The following OTOF variants were observed in gnomAD, a reference collection of about 807,000 sequenced individuals.
OTOF encodes the protein otoferlin.
Under a neutral mutation model 236.8 loss-of-function variants are expected in OTOF, and 218 were observed. The ratio of observed to expected loss-of-function variants is 0.92; its 90% CI spans 0.82 to 1.03. The LOEUF (loss-of-function observed/expected upper bound fraction) is 1.03, where lower values mean the gene tolerates loss of function less well. OTOF is among the 50% of genes least tolerant of loss of function. The pLI, the probability that OTOF is intolerant of heterozygous loss-of-function variation, is 0.00. For missense variants in OTOF, 2,590 were observed against 2,694.4 expected, an observed-to-expected ratio of 0.96 and a Z score of 0.86; for synonymous variants, 1,041 against 1,072.5, an observed-to-expected ratio of 0.97 and a Z score of 0.57.
chr2:26,462,628 G>A lies in OTOF; in HGVS notation c.5193-447C>T, dbSNP rs1377763364. ...ATCTGAGCATGGCTCTCCTGGGATT[G>A]CAGACAGGGCTGCGAGCCCAGAGTG... On this transcript the variant is annotated intron_variant, in intron 41 of 46. Transcript: ENST00000272371. This position sits in a 1 kb window ranked among gnomAD's most constrained non-coding sequence, Gnocchi z 4.7. 6.6e-6 allele frequency among the ~76,000 whole-genome samples: 1 copy of A among 152,234 alleles called. No individual in the cohort carries two copies. Among genetic ancestry groups the A allele is most frequent in the Non-Finnish European group, 1.5e-5 (1 of 68,036 alleles).
At chr2:26,499,918 G>C (rs1000039684) in intron 8 of OTOF, among the ~76,000 whole-genome samples, 2 of 152,224 alleles carry the variant, frequency 1.3e-5, no homozygotes, top group Non-Finnish European at 2.9e-5. Flanking sequence ...GAAACACTAT[G>C]CTACCAGGTT....
In OTOF at chr2:26,473,286, T is replaced by C; in HGVS notation, c.3579A>G (p.Pro1193=). Residue 1193 remains proline, a synonymous_variant, in exon 29 of 47, where the codon CCA becomes CCG. Transcript: ENST00000272371. The surrounding 1 kb of genome is among the most constrained non-coding windows in gnomAD (Gnocchi z 7.2). ...TLVKWFEVDL[P]ENELLHPPLN... ...AGGGCGGGTGCAGCAGCTCGTTCTC[T>C]GGGAGGTCCTGGGGTGTTGGCGACA... 6.2e-7 allele frequency: 1 copy of C among 1,613,120 alleles called. No homozygotes were observed. Among genetic ancestry groups the C allele is most frequent in the Non-Finnish European group, 8.5e-7 (1 of 1,179,766 alleles).
intron 2 of OTOF, 75 bp downstream of exon 2, chr2:26,537,641 C>G: frequency 3.4e-6 from 4 of 1,165,870 alleles, no homozygotes; most frequent in Non-Finnish European, 5.0e-6. Flanking sequence ...AGTGTGTGCC[C>G]GCAAGAGGCA....
rs1174108565 is a variant in OTOF at position 26,477,987 on chromosome 2, C to T, written c.2215-238G>A. ...CAGTTCCTGAAGGAAGAAGCCACCT[C>T]TGGGCTGTGAGTCTGTGGCTCTGGT... On this transcript the variant is annotated intron_variant, in intron 18 of 46. Coordinates refer to ENST00000272371, the MANE Select transcript of OTOF (RefSeq NM_194248.3). This position sits in a 1 kb window ranked among gnomAD's most constrained non-coding sequence, Gnocchi z 4.7. The T allele has an allele frequency of 6.9e-7, 1 of 1,459,108 alleles. No homozygotes were observed. Among genetic ancestry groups the T allele is most frequent in the Non-Finnish European group, 9.0e-7 (1 of 1,108,132 alleles). 90.4% of individuals were successfully genotyped at this position (1,459,108 alleles called of 1,614,324 possible).
At chr2:26,463,787 A>G (rs1156655515) in intron 40 of OTOF, among the ~76,000 whole-genome samples, 177 bp downstream of exon 40, 1 of 152,202 alleles carries the variant, frequency 6.6e-6, no homozygotes, top group African/African-American at 2.4e-5. Context: ...ATTCTCACTC[A>G]AAGCAAAGAC....
chr2:26,459,989 G>A lies in OTOF; in HGVS notation c.*17+19C>T, dbSNP rs1380168369. The A allele has an allele frequency of 2.6e-6, 4 of 1,553,346 alleles. No homozygotes were observed. The South Asian group carries it at 3.6e-5, about 14-fold the overall frequency. On this transcript the variant is annotated intron_variant, in intron 46 of 46. Transcript: ENST00000272371. The stretch of plus-strand genomic sequence containing the variant: ...CTGCCTAGCCCTTGGTCCAGAGGAA[G>A]AAGTAAGAAATATCAGACCCAGGAG...
Position 26,482,504 on chromosome 2 carries a change from C to A in OTOF, c.1481G>T (p.Arg494Leu), listed in dbSNP as rs148376891. ...FTDLFPPLCK[R>L]MKVQIRDSDK... is the part of the protein sequence containing the mutation. ...CGAGTCTCGGATCTGCACCTTCATGCGTTTGCAGAGTGGGGGGAAGAGGTC... is the reference window on the plus strand; with the variant it reads ...CGAGTCTCGGATCTGCACCTTCATGAGTTTGCAGAGTGGGGGGAAGAGGTC... The change falls in exon 14 of 47, where the codon CGC becomes CTC. Residue 494 changes from arginine (R) to leucine (L), a missense_variant. Arg to Leu is a moderately radical substitution (Grantham distance 102). This residue lies in a region of OTOF where 1,379 missense variants were observed against 1,341.6 expected (regional missense o/e 1.03). Coordinates refer to ENST00000272371, the MANE Select transcript of OTOF (RefSeq NM_194248.3). The A allele has an allele frequency of 6.2e-7, 1 of 1,613,304 alleles. No individual in the cohort carries two copies. Among genetic ancestry groups the A allele is most frequent in the Non-Finnish European group, 8.5e-7 (1 of 1,179,920 alleles).
At chr2:26,498,166 C>T (rs1032061179) in intron 8 of OTOF, among the ~76,000 whole-genome samples, 2 of 152,208 alleles carry the variant, frequency 1.3e-5, no homozygotes, top group South Asian at 2.1e-4. Flanking sequence ...CTTTTCAGGC[C>T]TCATACGTTT....
At chr2:26,466,237 C>A (rs1664720794) in intron 36 of OTOF, 161 bp from the exon 37 acceptor site, 2 of 793,154 alleles carry the variant, frequency 2.5e-6, no homozygotes, top group South Asian at 1.5e-5. Context: ...GTGGCTACCC[C>A]TCTCTGGGCG....
chr2:26,516,294 CAGA>C, intron 5 of OTOF, 121 bp downstream of exon 5: 1 of 891,642 alleles, frequency 1.1e-6, no homozygotes. Flanking sequence ...GATGTCTCTC[CAGA>C]AGCTCAGCCC....
chr2:26,463,862 C>T, intron 40 of OTOF, 102 bp downstream of exon 40: 1 of 1,487,706 alleles, frequency 6.7e-7, no homozygotes, highest in Non-Finnish European at 9.4e-7. Context: ...TTCTGGAATG[C>T]AGCGGACAGC....
At chr2:26,511,876 C>T (rs1401628951) in intron 5 of OTOF, among the ~76,000 whole-genome samples, 1 of 152,128 alleles carries the variant, frequency 6.6e-6, no homozygotes, top group Non-Finnish European at 1.5e-5. Context: ...CTGTGGAAAC[C>T]GATTTAAAAA....
intron 8 of OTOF, among the ~76,000 whole-genome samples, chr2:26,497,122 A>C (rs1429010301): frequency 1.4e-5 from 1 of 70,696 alleles, no homozygotes; most frequent in Non-Finnish European, 2.9e-5. Flanking sequence ...TTTTTTTTTG[A>C]GACAGAGTCT....
intron 18 of OTOF, among the ~76,000 whole-genome samples, chr2:26,478,502 G>C (rs1185842448): frequency 6.6e-6 from 1 of 152,106 alleles, no homozygotes; most frequent in Non-Finnish European, 1.5e-5. Context: ...TTATCTGCTG[G>C]TCCCTGCTTC....
intron 4 of OTOF, among the ~76,000 whole-genome samples, chr2:26,517,131 G>C (rs1307250217): frequency 1.3e-5 from 2 of 152,176 alleles, no homozygotes; most frequent in Non-Finnish European, 2.9e-5. Context: ...AGGGAATCTT[G>C]GGAGCTGCCC....
At chr2:26,499,336 C>T (rs1366488464) in intron 8 of OTOF, among the ~76,000 whole-genome samples, 1 of 152,064 alleles carries the variant, frequency 6.6e-6, no homozygotes, top group Non-Finnish European at 1.5e-5. Flanking sequence ...GTGCCATAAC[C>T]TTTAGAATGG....
intron 8 of OTOF, 69 bp from the exon 9 acceptor site, chr2:26,495,142 C>T: frequency 6.3e-7 from 1 of 1,583,802 alleles, no homozygotes; most frequent in Admixed American, 1.7e-5. Context: ...CCGCAGGGGT[C>T]CAGGGGCTGG....
At chr2:26,471,967 T>C (rs761676528) in intron 30 of OTOF, among the ~76,000 whole-genome samples, 2 of 151,572 alleles carry the variant, frequency 1.3e-5, no homozygotes, top group Non-Finnish European at 2.9e-5. Flanking sequence ...CATGCACATA[T>C]GCATTTACAC....
intron 37 of OTOF, 35 bp from the exon 38 acceptor site, chr2:26,465,877 T>C (rs768656750): frequency 2.0e-5 from 33 of 1,614,164 alleles, no homozygotes; most frequent in Middle Eastern, 3.3e-4. Context: ...GGCTTAAGGA[T>C]TGGCTAGGGT....
Sources: allele counts gnomAD v4.1 joint callset (sites outside exome capture counted in the v4.1 genomes callset), GRCh38; gene constraint gnomAD v4.1.1; regional missense constraint gnomAD v4.1.1; non-coding constraint Gnocchi (gnomAD v3.1); transcripts MANE v1.5; gene names NCBI Gene and HGNC (gene_info 2026-07-23, HGNC 2026-07-21).